The following KIAA0586 variants were observed in gnomAD, a reference collection of about 807,000 sequenced individuals.
KIAA0586 encodes protein TALPID3.
Under a neutral mutation model 169.8 loss-of-function variants are expected in KIAA0586, and 144 were observed. The observed-to-expected ratio is 0.85, with a 90% CI of 0.74 to 0.97. The LOEUF (loss-of-function observed/expected upper bound fraction) is 0.97, where lower values mean the gene tolerates loss of function less well. KIAA0586 is among the 50% of genes least tolerant of loss of function. The pLI is 0.00. For synonymous variants in KIAA0586, 625 were observed against 612.4 expected, an observed-to-expected ratio of 1.02 and a Z score of -0.30; for missense variants, 1,854 against 1,823.0, an observed-to-expected ratio of 1.02 and a Z score of -0.31.
At chr14:58,427,695 G>A (rs2036936004), upstream of KIAA0586, 3 of 1,535,288 alleles carry the variant, frequency 2.0e-6, no homozygotes, top group Non-Finnish European at 2.6e-6. Context: ...AAGGGAAGTG[G>A]GTGTTGACCT....
Position 58,427,801 on chromosome 14 carries a change from T to C in KIAA0586, c.-464T>C. On this transcript the variant is annotated 5_prime_UTR_variant, in exon 1 of 31. Transcript: ENST00000652326. ...GGGGTGAATTTATGTTTCCGACGAT[T>C]GCATCTGGAGGGGTGTGTAAGACTC... 2 of 1,507,204 alleles carry C rather than the reference T, an allele frequency of 1.3e-6. No homozygotes were observed. 93.4% of individuals were successfully genotyped at this position (1,507,204 alleles called of 1,614,324 possible). A position where few individuals can be genotyped will look rare whatever the true frequency, so the allele number is the denominator to read the frequency against.
chr14:58,459,837 G>T lies in KIAA0586; in HGVS notation c.1657-6G>T. On this transcript the variant is annotated splice_polypyrimidine_tract_variant and splice_region_variant and intron_variant, in intron 12 of 30. Transcript: ENST00000652326. ...TTTAAGTAATTTTAACTTTGGTTAT[G>T]TTAAGGATGAACTGTCAAGAACAGA... 6.8e-7 allele frequency: 1 copy of T among 1,467,324 alleles called. No homozygotes were observed. The highest frequency in any genetic ancestry group is 9.1e-7 in the Non-Finnish European group (1 of 1,099,456). The allele number at this position is 1,467,324 out of a possible 1,614,324, so 90.9% of individuals were successfully genotyped here. A position where few individuals can be genotyped will look rare whatever the true frequency, so the allele number is the denominator to read the frequency against.
rs1203246161 is a variant in KIAA0586, at chr14:58,427,761, T to G, written c.-504T>G. On this transcript the variant is annotated 5_prime_UTR_variant, in exon 1 of 31. Coordinates refer to ENST00000652326, the MANE Select transcript of KIAA0586 (RefSeq NM_001329943.3). ...CCCACGACGGTGCGGGTCTCGGGCG[T>G]TCTGGAGATACGTAGGGGTGAATTT... The G allele has an allele frequency of 5.2e-6, 8 of 1,531,328 alleles. No homozygotes were observed. The African/African-American group carries it at 9.6e-5, about 18-fold the overall frequency. The allele number at this position is 1,531,328 out of a possible 1,614,324, so 94.9% of individuals were successfully genotyped here. A position where few individuals can be genotyped will look rare whatever the true frequency, so the allele number is the denominator to read the frequency against.
chr14:58,469,741 G>GTGTAAGTGTGGGTGGGT (rs1566846943), intron 16 of KIAA0586, among the ~76,000 whole-genome samples: 1 of 152,088 alleles, frequency 6.6e-6, no homozygotes, highest in Non-Finnish European at 1.5e-5. Flanking sequence ...AATGTTCAAA[G>GTGTAAGTGTGGGTGGGT]GACATGAATA....
At chr14:58,483,538 C>CT (rs1214477140) in intron 21 of KIAA0586, among the ~76,000 whole-genome samples, 2 of 152,006 alleles carry the variant, frequency 1.3e-5, no homozygotes, top group Admixed American at 1.3e-4. Flanking sequence ...TTTAGATTTC[C>CT]TTAATTGTTT....
At chr14:58,547,714 C>T (rs2047067233) in intron 30 of KIAA0586, 67 bp from the exon 31 acceptor site, 1 of 1,412,548 alleles carries the variant, frequency 7.1e-7, no homozygotes, top group Non-Finnish European at 9.7e-7. Flanking sequence ...TATTATTTCG[C>T]AAAGCATAAA....
At chr14:58,536,638 G>C (rs2046308043) in intron 29 of KIAA0586, among the ~76,000 whole-genome samples, 1 of 152,088 alleles carries the variant, frequency 6.6e-6, no homozygotes, top group Non-Finnish European at 1.5e-5. Flanking sequence ...TGAAATAAGG[G>C]GGGTATTTGG....
In KIAA0586 at chr14:58,459,809, C is replaced by T. The variant is rs1748980; in HGVS notation, c.1657-34C>T. ...ATGTGAAAGCATTACTATTTGTAGA[C>T]ATTTTAAGTAATTTTAACTTTGGTT... is the stretch of plus-strand genomic sequence containing the variant. On this transcript the variant is annotated intron_variant, in intron 12 of 30. Coordinates refer to ENST00000652326, the MANE Select transcript of KIAA0586 (RefSeq NM_001329943.3). The T allele has an allele frequency of 1, 1,142,100 of 1,146,940 alleles. 568,736 individuals carry two copies. Among genetic ancestry groups the T allele is most frequent in the Non-Finnish European group, 1 (820,103 of 820,318 alleles). The allele number at this position is 1,146,940 out of a possible 1,614,324, so 71.0% of individuals were successfully genotyped here.
At position 58,448,502 on chromosome 14, in the gene KIAA0586, A is replaced by G; in HGVS notation, c.961+9A>G. 6.3e-7 allele frequency: 1 copy of G among 1,580,464 alleles called. No individual in the cohort carries two copies. The highest frequency in any genetic ancestry group is 8.6e-7 in the Non-Finnish European group (1 of 1,157,736). On this transcript the variant is annotated intron_variant, in intron 7 of 30. Transcript: ENST00000652326. ...ATTTGCTTCCAAACAAGGTAAAAATATGTAGTTCTCTATGAATAAAAAATG... is the reference window on the plus strand; with the variant it reads ...ATTTGCTTCCAAACAAGGTAAAAATGTGTAGTTCTCTATGAATAAAAAATG...
intron 26 of KIAA0586, among the ~76,000 whole-genome samples, chr14:58,497,285 G>A (rs957650534): frequency 1.3e-5 from 2 of 150,892 alleles, no homozygotes; most frequent in African/African-American, 4.9e-5. Flanking sequence ...CGATTTTTGT[G>A]CTTTTTGTAT....
At chr14:58,531,063 C>T (rs1265663269) in intron 29 of KIAA0586, among the ~76,000 whole-genome samples, 1 of 151,826 alleles carries the variant, frequency 6.6e-6, no homozygotes, top group Non-Finnish European at 1.5e-5. Context: ...GTAATCCCAG[C>T]ACTTTGGGCT....
At chr14:58,511,025 T>C (rs960231942) in intron 28 of KIAA0586, among the ~76,000 whole-genome samples, 1 of 152,158 alleles carries the variant, frequency 6.6e-6, no homozygotes, top group Non-Finnish European at 1.5e-5. Context: ...TTGAGATTGA[T>C]GGATATGTTT....
In KIAA0586 at chr14:58,511,927, G is replaced by A. The variant is rs374390410; in HGVS notation, c.4324-595G>A. Reference sequence around the variant, plus strand: ...GAGAAGAAAGAAAATCACACAATTTGTGATGTGTGATTACGAAGAGATTTA... The same window carrying A: ...GAGAAGAAAGAAAATCACACAATTTATGATGTGTGATTACGAAGAGATTTA... On this transcript the variant is annotated intron_variant, in intron 28 of 30. Transcript: ENST00000652326. Among the ~76,000 whole-genome samples, 4 of 152,266 alleles carry A rather than the reference G, an allele frequency of 2.6e-5. 1 individual carries two copies.
chr14:58,514,514 TAAAG>T (rs2044616534), intron 29 of KIAA0586, among the ~76,000 whole-genome samples: 1 of 152,014 alleles, frequency 6.6e-6, no homozygotes, highest in South Asian at 2.1e-4. Flanking sequence ...TATATGTCTA[TAAAG>T]AAAGGAGCAG....
Position 58,508,653 on chromosome 14 carries a change from C to G in KIAA0586, c.4267C>G (p.Leu1423Val), listed in dbSNP as rs1334394339. The part of the protein sequence containing the change: ...NSKLVLPTTL[L>V]TAQENDVNLP... Reference sequence around the variant, plus strand: ...TAAGCTGGTTCTTCCCACAACACTTCTGACAGCACAAGAAAATGATGTTAA... The same window carrying G: ...TAAGCTGGTTCTTCCCACAACACTTGTGACAGCACAAGAAAATGATGTTAA... The change falls in exon 28 of 31, where the codon CTG (leucine) becomes GTG (valine). Residue 1423 changes from leucine (L) to valine (V), a missense_variant. Transcript: ENST00000652326. 62 of 1,594,886 alleles carry G rather than the reference C, an allele frequency of 3.9e-5. No homozygotes were observed. Among genetic ancestry groups the G allele is most frequent in the Non-Finnish European group, 5.2e-5 (61 of 1,170,106 alleles).
chr14:58,437,412 T>A (rs2037918072), intron 4 of KIAA0586, among the ~76,000 whole-genome samples: 1 of 151,532 alleles, frequency 6.6e-6, no homozygotes, highest in Admixed American at 6.6e-5. Context: ...CAGGAGAAAA[T>A]GGAATATAAA....
intron 29 of KIAA0586, among the ~76,000 whole-genome samples, chr14:58,514,316 C>G (rs1957843496): frequency 1.3e-5 from 2 of 151,918 alleles, no homozygotes; most frequent in South Asian, 2.1e-4. Flanking sequence ...TTTGGGTGAC[C>G]TTGAAGGAAT....
chr14:58,501,458 A>G lies in KIAA0586; in HGVS notation c.4168+2498A>G, dbSNP rs559000612. 1.4e-4 allele frequency among the ~76,000 whole-genome samples: 21 copies of G among 152,358 alleles called. No individual in the cohort carries two copies. In the South Asian group the frequency reaches 4.3e-3, roughly 32 times the overall value. ...TTGAACTGCTAGGTACTTAAGAGCT[A>G]CTAGGTATCTGAGAGCAACTAGGTA... On this transcript the variant is annotated intron_variant, in intron 27 of 30. Transcript: ENST00000652326.
intron 27 of KIAA0586, among the ~76,000 whole-genome samples, chr14:58,504,295 T>A (rs1182219961): frequency 6.6e-6 from 1 of 152,128 alleles, no homozygotes; most frequent in East Asian, 1.9e-4. Flanking sequence ...GGACAGGAAT[T>A]CATTTGAATG....
Sources: allele counts gnomAD v4.1 joint callset (sites outside exome capture counted in the v4.1 genomes callset), GRCh38; gene constraint gnomAD v4.1.1; transcripts MANE v1.5; gene names NCBI Gene and HGNC (gene_info 2026-07-23, HGNC 2026-07-21).